PAGE4: variants seen among roughly 807,000 people sequenced by gnomAD.
PAGE4 encodes P antigen family member 4.
In PAGE4, 1 loss-of-function variant was observed where a neutral mutation model predicts 8.5. The observed-to-expected ratio is 0.12, with a 90% CI of 0.04 to 0.56. The LOEUF is 0.56. PAGE4 is among the 20% of genes least tolerant of loss of function. PAGE4 has a pLI of 0.91. For missense variants in PAGE4, 93 were observed against 82.7 expected, an observed-to-expected ratio of 1.13 and a Z score of -0.49; for synonymous variants, 26 against 26.3, an observed-to-expected ratio of 0.99 and a Z score of 0.04.
Position 49,829,336 on chromosome X carries a change from C to T in PAGE4, c.-46C>T, listed in dbSNP as rs1190672854. The stretch of plus-strand genomic sequence containing the variant: ...TCTTCCCTTCATTCTTCGCCAGGCT[C>T]TCTGCTGACTCAAGTGTAAGTGAGA... On this transcript the variant is annotated 5_prime_UTR_variant, in exon 1 of 5. Coordinates refer to ENST00000218068, the MANE Select transcript of PAGE4 (RefSeq NM_007003.4). The T allele has an allele frequency of 2.7e-5, 3 of 112,440 alleles. No individual in the cohort carries two copies. The highest frequency in any genetic ancestry group is 9.7e-5 in the African/African-American group (3 of 30,802). The allele number at this position is 112,440 out of a possible 1,213,427, so 9.3% of individuals were successfully genotyped here. A position where few individuals can be genotyped will look rare whatever the true frequency, so the allele number is the denominator to read the frequency against.
chrX:49,831,634 A>G (rs1328938259), intron 3 of PAGE4, among the ~76,000 whole-genome samples: 2 of 111,917 alleles, frequency 1.8e-5, no homozygotes, highest in Admixed American at 9.5e-5. Context: ...TTAAAATGTA[A>G]GGAAAAGTTA....
intron 1 of PAGE4, chrX:49,830,168 C>T (rs1557156349): frequency 3.4e-6 from 1 of 291,057 alleles, no homozygotes; most frequent in Non-Finnish European, 5.9e-6. Context: ...AATTAAGTCT[C>T]TTTAGGAAAG....
At chrX:49,830,573 A>T (rs1448898987) in intron 2 of PAGE4, 67 bp downstream of exon 2, 3 of 769,483 alleles carry the variant, frequency 3.9e-6, no homozygotes, top group Non-Finnish European at 5.8e-6. Flanking sequence ...AATCTAAAAC[A>T]TTGTTAACCA....
intron 3 of PAGE4, among the ~76,000 whole-genome samples, chrX:49,832,174 C>T (rs782465381): frequency 2.1e-4 from 23 of 111,322 alleles, no homozygotes; most frequent in African/African-American, 7.5e-4. Context: ...TGCTAGGTGC[C>T]GGGTAATGTA....
chrX:49,830,288 T>C, intron 1 of PAGE4, 111 bp from the exon 2 acceptor site: 1 of 403,732 alleles, frequency 2.5e-6, no homozygotes, highest in South Asian at 5.2e-5. Context: ...AAACCAGGCG[T>C]AGTTATTATT....
In PAGE4 at chrX:49,830,899, C is replaced by T. The variant is rs139864760; in HGVS notation, c.79-98C>T. ...AAAACCTCTTCAGATTTATTTGTGA[C>T]TAGCTACCTTCACATAGTATGTATA... is the stretch of plus-strand genomic sequence containing the variant. On this transcript the variant is annotated intron_variant, in intron 2 of 4. Coordinates refer to ENST00000218068, the MANE Select transcript of PAGE4 (RefSeq NM_007003.4). 8.3e-4 allele frequency: 459 copies of T among 550,062 alleles called. 1 individual carries two copies. Among genetic ancestry groups the T allele is most frequent in the Middle Eastern group, 6.4e-3 (20 of 3,114 alleles). 45.3% of individuals were successfully genotyped at this position (550,062 alleles called of 1,213,427 possible).
intron 3 of PAGE4, among the ~76,000 whole-genome samples, chrX:49,831,820 A>T (rs1557156644): frequency 1.8e-5 from 2 of 112,335 alleles, no homozygotes; most frequent in Admixed American, 1.9e-4. Context: ...TGCTAAAAAT[A>T]TGGATAATCT....
chrX:49,831,235 G>A, intron 3 of PAGE4, 151 bp downstream of exon 3: 1 of 438,632 alleles, frequency 2.3e-6, no homozygotes. Flanking sequence ...TGTAGTCCTT[G>A]TGATAAATTT....
At position 49,830,423 on chromosome X, in the gene PAGE4, G is replaced by C; in HGVS notation, c.-6G>C. 8.5e-7 allele frequency: 1 copy of C among 1,182,515 alleles called. No individual in the cohort carries two copies. On this transcript the variant is annotated 5_prime_UTR_variant, in exon 2 of 5. Transcript: ENST00000218068. ...GTCTTCAGTTCACGATCTTCTAGTT[G>C]CAGCGATGAGTGCACGAGTGAGATC...
rs782438850 is a variant in PAGE4, at chrX:49,832,666, G to A, written c.292+16G>A. On this transcript the variant is annotated intron_variant, in intron 4 of 4. Coordinates refer to ENST00000218068, the MANE Select transcript of PAGE4 (RefSeq NM_007003.4). ...AAAGAAGCAGGTACGTTATTCATTC[G>A]GAATGGAAGTCATGGGGTTACTCTT... is the stretch of plus-strand genomic sequence containing the variant. 11 of 1,172,765 alleles carry A rather than the reference G, an allele frequency of 9.4e-6. No individual in the cohort carries two copies. The highest frequency in any genetic ancestry group is 7.2e-5 in the African/African-American group (4 of 55,722).
At chrX:49,832,297 A>C (rs782648912) in intron 3 of PAGE4, among the ~76,000 whole-genome samples, 34 of 111,852 alleles carry the variant, frequency 3.0e-4, no homozygotes, top group Non-Finnish European at 4.0e-4. Flanking sequence ...CAGTAACAGA[A>C]GTATATGTAG....
At position 49,830,439 on chromosome X, in the gene PAGE4, G is replaced by A; in HGVS notation, c.11G>A (p.Arg4Gln). MSA[R>Q]VRSRSRGRGD... ...CTTCTAGTTGCAGCGATGAGTGCAC[G>A]AGTGAGATCAAGATCCAGAGGAAGA... Residue 4 changes from arginine (R) to glutamine (Q), a missense_variant, in exon 2 of 5, where the codon CGA becomes CAA. Physicochemically the swap from Arg to Gln is conservative, Grantham distance 43 (BLOSUM62 1). Transcript: ENST00000218068. The A allele has an allele frequency of 8.3e-7, 1 of 1,202,650 alleles. No homozygotes were observed. Among genetic ancestry groups the A allele is most frequent in the Non-Finnish European group, 1.1e-6 (1 of 888,710 alleles).
chrX:49,830,558 A>C, intron 2 of PAGE4, 52 bp downstream of exon 2: 1 of 874,012 alleles, frequency 1.1e-6, no homozygotes. Flanking sequence ...ATTTTTCTGA[A>C]AGAAAATCTA....
rs374300930 is a variant in PAGE4 at position 49,830,276 on chromosome X, G to A, written c.-30-123G>A. On this transcript the variant is annotated intron_variant, in intron 1 of 4. Coordinates refer to ENST00000218068, the MANE Select transcript of PAGE4 (RefSeq NM_007003.4). Reference sequence around the variant, plus strand: ...GCAGATAGATTTATTTGATGTGATTGGAAACCAGGCGTAGTTATTATTAAC... The same window carrying A: ...GCAGATAGATTTATTTGATGTGATTAGAAACCAGGCGTAGTTATTATTAAC... 2.7e-3 allele frequency: 1,049 copies of A among 391,463 alleles called. 2 individuals carry two copies. The highest frequency in any genetic ancestry group is 4.0e-3 in the Non-Finnish European group (901 of 227,299). The allele number at this position is 391,463 out of a possible 1,213,427, so 32.3% of individuals were successfully genotyped here.
Position 49,830,043 on chromosome X carries a change from A to G in PAGE4, c.-30-356A>G, listed in dbSNP as rs190570103. ...TGAGGTATCTTTGAGTCCCAGAGGCACCTGAAACTGCCGAAAGAGGACAGG... is the reference window on the plus strand; with the variant it reads ...TGAGGTATCTTTGAGTCCCAGAGGCGCCTGAAACTGCCGAAAGAGGACAGG... On this transcript the variant is annotated intron_variant, in intron 1 of 4. Transcript: ENST00000218068. 6.9e-3 allele frequency: 823 copies of G among 119,678 alleles called. 8 individuals are homozygous for G. The highest frequency in any genetic ancestry group is 0.026 in the African/African-American group (797 of 30,583). 9.9% of individuals were successfully genotyped at this position (119,678 alleles called of 1,213,427 possible).
Position 49,832,610 on chromosome X carries a change from G to A in PAGE4, c.252G>A (p.Lys84=), listed in dbSNP as rs2147204745. 8.3e-7 allele frequency: 1 copy of A among 1,202,085 alleles called. No homozygotes were observed. Among genetic ancestry groups the A allele is most frequent in the East Asian group, 3.0e-5 (1 of 33,703 alleles). Reference sequence around the variant, plus strand: ...GAGATGGCTCTGATGTAAAAGAGAAGACTCCACCTAATCCTAAGCATGCTA... The same window carrying A: ...GAGATGGCTCTGATGTAAAAGAGAAAACTCCACCTAATCCTAAGCATGCTA... ...ERGDGSDVKE[K]TPPNPKHAKT... The change falls in exon 4 of 5, where the codon AAG becomes AAA. Residue 84 remains lysine, a synonymous_variant. Transcript: ENST00000218068.
rs782242500 is a variant in PAGE4 at position 49,831,050 on chromosome X, T to C, written c.132T>C (p.Pro44=). 5 of 1,188,455 alleles carry C rather than the reference T, an allele frequency of 4.2e-6. No homozygotes were observed. Among genetic ancestry groups the C allele is most frequent in the South Asian group, 1.9e-5 (1 of 52,460 alleles). ...CAACTGACAATCAGGATATTGAACC[T>C]GGACAAGAGAGAGAAGGAACACCTC... The part of the protein sequence containing the change: ...EPPTDNQDIE[P]GQEREGTPPI... Residue 44 remains proline (P), a synonymous_variant, in exon 3 of 5, where the codon CCT becomes CCC. Coordinates refer to ENST00000218068, the MANE Select transcript of PAGE4 (RefSeq NM_007003.4).
At chrX:49,831,832 TTAAA>T (rs1266688102) in intron 3 of PAGE4, among the ~76,000 whole-genome samples, 7 of 112,223 alleles carry the variant, frequency 6.2e-5, no homozygotes, top group Admixed American at 1.9e-4. Context: ...GGATAATCTC[TTAAA>T]TAACCTCAGA....
chrX:49,833,912 A>T lies in PAGE4; in HGVS notation c.*50A>T. ...TACACACATGGCTGATGTCACATTG[A>T]AAATGTGACTGAAAATTTGAAAATT... On this transcript the variant is annotated 3_prime_UTR_variant, in exon 5 of 5. Coordinates refer to ENST00000218068, the MANE Select transcript of PAGE4 (RefSeq NM_007003.4). The T allele has an allele frequency of 9.9e-7, 1 of 1,006,424 alleles. No homozygotes were observed. Among genetic ancestry groups the T allele is most frequent in the Non-Finnish European group, 1.4e-6 (1 of 723,044 alleles). 82.9% of individuals were successfully genotyped at this position (1,006,424 alleles called of 1,213,427 possible). A position where few individuals can be genotyped will look rare whatever the true frequency, so the allele number is the denominator to read the frequency against.
Sources: allele counts gnomAD v4.1 joint callset (sites outside exome capture counted in the v4.1 genomes callset), GRCh38; gene constraint gnomAD v4.1.1; transcripts MANE v1.5; gene names NCBI Gene and HGNC (gene_info 2026-07-23, HGNC 2026-07-21).